The following IVD variants were observed in gnomAD, a reference collection of about 807,000 sequenced individuals.
IVD encodes the protein isovaleryl-CoA dehydrogenase.
IVD carries 31 observed loss-of-function variants against 51.3 expected under a neutral mutation model. That is an observed-to-expected ratio of 0.60 (90% CI 0.45 to 0.81). The LOEUF (loss-of-function observed/expected upper bound fraction) is 0.81, where lower values mean the gene tolerates loss of function less well. Ranked by LOEUF, IVD falls within the 40% of genes least tolerant of loss-of-function variation. IVD has a pLI of 0.00. For missense variants in IVD, 475 were observed against 552.0 expected, an observed-to-expected ratio of 0.86 and a Z score of 1.40; for synonymous variants, 205 against 219.4, an observed-to-expected ratio of 0.93 and a Z score of 0.58.
intron 6 of IVD, 72 bp from the exon 7 acceptor site, chr15:40,412,919 C>T: frequency 8.0e-7 from 1 of 1,249,020 alleles, no homozygotes; most frequent in Non-Finnish European, 1.2e-6. Flanking sequence ...GCCTTCTTCC[C>T]AGAGGCCTTT....
intron 3 of IVD, among the ~76,000 whole-genome samples, chr15:40,409,769 A>G (rs755064382): frequency 6.6e-6 from 1 of 151,676 alleles, no homozygotes; most frequent in South Asian, 2.1e-4. Flanking sequence ...CCTCTGCTGT[A>G]CAGCTCACCT....
intron 7 of IVD, among the ~76,000 whole-genome samples, chr15:40,430,618 ACT>A (rs991239623): frequency 3.3e-5 from 5 of 151,960 alleles, no homozygotes; most frequent in African/African-American, 1.2e-4. Context: ...GAGGCTGGAG[ACT>A]CCAGTAAATG....
At chr15:40,406,052 T>TCCTTC in intron 1 of IVD, 81 bp downstream of exon 1, 8 of 1,471,716 alleles carry the variant, frequency 5.4e-6, no homozygotes, top group Admixed American at 4.3e-5. Context: ...CTGGTCCCCA[T>TCCTTC]CGGCCCAGCG....
chr15:40,425,964 C>CTTTTTTTTTTTTTT (rs200928278), downstream of IVD, among the ~76,000 whole-genome samples: 4 of 117,416 alleles, frequency 3.4e-5, 2 homozygotes, highest in Non-Finnish European at 3.7e-5. Flanking sequence ...CCCAGTCCGG[C>CTTTTTTTTTTTTTT]TATTTTTTTT....
chr15:40,426,469 C>A (rs1357127491), downstream of IVD, among the ~76,000 whole-genome samples: 1 of 147,496 alleles, frequency 6.8e-6, no homozygotes, highest in Non-Finnish European at 1.5e-5. Context: ...ACCTGGGAGG[C>A]AGAGGTTGCA....
chr15:40,434,609 G>T (rs1024654347), intron 8 of IVD, among the ~76,000 whole-genome samples: 1 of 152,210 alleles, frequency 6.6e-6, no homozygotes, highest in Non-Finnish European at 1.5e-5. Context: ...GGAGTGCATA[G>T]AGTTCAGGGC....
intron 8 of IVD, chr15:40,435,403 T>C (rs1006724032): frequency 8.9e-7 from 1 of 1,121,292 alleles, no homozygotes; most frequent in Non-Finnish European, 1.1e-6. Context: ...AAAAGAGGGC[T>C]CTCTTTCCCC....
At chr15:40,407,877 C>A in intron 2 of IVD, 62 bp from the exon 3 acceptor site, 1 of 1,545,242 alleles carries the variant, frequency 6.5e-7, no homozygotes, top group Non-Finnish European at 8.9e-7. Flanking sequence ...ATTGTTCCAG[C>A]CACATGTGAC....
In IVD at chr15:40,413,075, T is replaced by C; in HGVS notation, c.772T>C (p.Cys258Arg). 1 of 1,613,528 alleles carries C rather than the reference T, an allele frequency of 6.2e-7. No individual in the cohort carries two copies. The highest frequency in any genetic ancestry group is 8.5e-7 in the Non-Finnish European group (1 of 1,179,662). Residue 258 changes from cysteine to arginine, a missense_variant, in exon 7 of 12, where the codon TGC becomes CGC. Physicochemically the swap from Cys to Arg is radical, Grantham distance 180. Transcript: ENST00000487418. ...SNTCELIFED[C>R]KIPAANILGH... is the part of the protein sequence containing the mutation. ...CACCTGTGAGCTAATCTTTGAAGAC[T>C]GCAAGATTCCTGGTAAGTAGCACCG...
rs770658726 is a variant in IVD, at chr15:40,416,375, C to A, written c.1138+13C>A. 6.2e-7 allele frequency: 1 copy of A among 1,612,864 alleles called. No individual in the cohort carries two copies. The highest frequency in any genetic ancestry group is 1.7e-5 in the Admixed American group (1 of 60,026). On this transcript the variant is annotated intron_variant, in intron 11 of 11. Coordinates refer to ENST00000487418, the MANE Select transcript of IVD (RefSeq NM_002225.5). ...ATTCAGTGTTTTGGTGAGTGATCCCCACTTCCCAGTCCCGGGGCTCCCTCA... is the reference window on the plus strand; with the variant it reads ...ATTCAGTGTTTTGGTGAGTGATCCCAACTTCCCAGTCCCGGGGCTCCCTCA...
exon 9 of IVD, chr15:40,435,477 C>A (rs1893218178): frequency 8.0e-7 from 1 of 1,253,960 alleles, no homozygotes; most frequent in Non-Finnish European, 1.0e-6. Context: ...GGTCAGACGT[C>A]CCTGGAGCAG....
chr15:40,435,644 G>A, downstream of IVD: 1 of 1,054,886 alleles, frequency 9.5e-7, no homozygotes, highest in Non-Finnish European at 1.2e-6. Flanking sequence ...GAGCTCCTTG[G>A]CAGGGTTTAC....
intron 11 of IVD, 144 bp downstream of exon 11, chr15:40,416,506 G>A: frequency 1.4e-6 from 1 of 738,250 alleles, no homozygotes; most frequent in East Asian, 2.8e-5. Context: ...GATCACCTGA[G>A]GTCAGGAGTT....
rs771914739 is a variant in IVD, at chr15:40,411,258, A to G, written c.457-2A>G. 3 of 1,614,124 alleles carry G rather than the reference A, an allele frequency of 1.9e-6. No individual in the cohort carries two copies. The highest frequency in any genetic ancestry group is 2.2e-5 in the East Asian group (1 of 44,876). On this transcript the variant is annotated splice_acceptor_variant, in intron 4 of 11. Coordinates refer to ENST00000487418, the MANE Select transcript of IVD (RefSeq NM_002225.5). LOFTEE classifies it high-confidence loss of function. ...AAGGCCTGTTGGGGGTTTTCCTTGC[A>G]GCTGATCAGTGGTGAGTACATCGGA... is the stretch of plus-strand genomic sequence containing the variant.
chr15:40,417,164 A>G (rs1891782395), intron 11 of IVD, among the ~76,000 whole-genome samples: 1 of 144,622 alleles, frequency 6.9e-6, no homozygotes, highest in South Asian at 2.3e-4. Flanking sequence ...AGATCGCGCC[A>G]TTGCACTCCA....
At chr15:40,409,794 A>G in intron 3 of IVD, among the ~76,000 whole-genome samples, 1 of 149,974 alleles carries the variant, frequency 6.7e-6, no homozygotes, top group East Asian at 2.0e-4. Flanking sequence ...ATTTTCCCTG[A>G]GGCTGTGGCT....
At chr15:40,417,889 A>G (rs954603891) in intron 11 of IVD, among the ~76,000 whole-genome samples, 2 of 152,200 alleles carry the variant, frequency 1.3e-5, no homozygotes, top group Admixed American at 6.5e-5. Context: ...GAAAAAAACA[A>G]CATATATATG....
Position 40,421,066 on chromosome 15 carries a change from T to C in IVD, c.*2803T>C. 2 of 985,468 alleles carry C rather than the reference T, an allele frequency of 2.0e-6. No homozygotes were observed. Among genetic ancestry groups the C allele is most frequent in the Non-Finnish European group, 2.4e-6 (2 of 829,934 alleles). 61.0% of individuals were successfully genotyped at this position (985,468 alleles called of 1,614,324 possible). On this transcript the variant is annotated 3_prime_UTR_variant, in exon 12 of 12. Transcript: ENST00000487418. Reference sequence around the variant, plus strand: ...TCCTGAGGGCAAGATCCTGGGCTCATAGGCAGTCCCTTTCACTTCCTTGTC... The same window carrying C: ...TCCTGAGGGCAAGATCCTGGGCTCACAGGCAGTCCCTTTCACTTCCTTGTC...
chr15:40,413,784 G>T (rs1449217028), intron 7 of IVD, among the ~76,000 whole-genome samples: 5 of 151,992 alleles, frequency 3.3e-5, no homozygotes, highest in Non-Finnish European at 7.4e-5. Context: ...TCCACCTCCT[G>T]GGTTCCAGTG....
Sources: gnomAD v4.1 joint callset for allele counts (sites outside exome capture counted in the v4.1 genomes callset) on GRCh38, gnomAD v4.1.1 for gene constraint, MANE v1.5 for transcripts, NCBI Gene and HGNC (gene_info 2026-07-23, HGNC 2026-07-21) for gene names.